The following GBP7 variants were observed in gnomAD, a reference collection of about 807,000 sequenced individuals.
GBP7 encodes guanylate-binding protein 7.
In GBP7, 43 loss-of-function variants were observed where a neutral mutation model predicts 61.3. That is an observed-to-expected ratio of 0.70 (90% CI 0.55 to 0.91). The LOEUF (loss-of-function observed/expected upper bound fraction) is 0.91. Among genes scored for constraint, GBP7 ranks in the 40% least tolerant of loss-of-function variants. The probability of loss-of-function intolerance (pLI) is 0.00; values close to 1 mark genes in which losing one functional copy is unlikely to be tolerated. For synonymous variants in GBP7, 267 were observed against 271.0 expected, an observed-to-expected ratio of 0.99 and a Z score of 0.14; for missense variants, 717 against 740.5, an observed-to-expected ratio of 0.97 and a Z score of 0.37.
At chr1:89,175,383 CTA>C (rs1475879316) in intron 1 of GBP7, among the ~76,000 whole-genome samples, 1 of 152,174 alleles carries the variant, frequency 6.6e-6, no homozygotes, top group Non-Finnish European at 1.5e-5. Flanking sequence ...AAACCAGAAA[CTA>C]AAAAGATTGG....
rs1299139644 is a variant in GBP7 at position 89,133,453 on chromosome 1, T to C, written c.1469-2A>G. The C allele has an allele frequency of 6.2e-7, 1 of 1,613,374 alleles. No homozygotes were observed. ...CTGCCTCCTTCTTAGCCTGCTTAGC[T>C]GTTCCACCGAGGTTTTACAGAGGGA... On this transcript the variant is annotated splice_acceptor_variant, in intron 9 of 10. Transcript: ENST00000294671. LOFTEE classifies it high-confidence loss of function.
At chr1:89,142,675 C>T (rs1273375026) in intron 8 of GBP7, among the ~76,000 whole-genome samples, 1 of 152,118 alleles carries the variant, frequency 6.6e-6, no homozygotes, top group Non-Finnish European at 1.5e-5. Flanking sequence ...GAAAAAGAGG[C>T]ATAAATACCT....
chr1:89,147,715 C>T lies in GBP7; in HGVS notation c.1217G>A (p.Cys406Tyr), dbSNP rs1682101435. 3.1e-6 allele frequency: 5 copies of T among 1,614,190 alleles called. No homozygotes were observed. Among genetic ancestry groups the T allele is most frequent in the Non-Finnish European group, 4.2e-6 (5 of 1,180,018 alleles). Residue 406 changes from cysteine to tyrosine, a missense_variant, in exon 8 of 11, where the codon TGT (cysteine) becomes TAT (tyrosine). Physicochemically the swap from Cys to Tyr is radical, Grantham distance 194. Around this residue, in one of 3 missense-constraint regions of GBP7, gnomAD observed 312 missense variants for 310.1 expected, o/e 1.01. Transcript: ENST00000294671. ...TGAAAGCCGCTTAAGCTCAGCCTGA[C>T]AATATTTGGCAGATGCCTCTTCATT... is the stretch of plus-strand genomic sequence containing the variant. ...LQNEEASAKYCQAELKRLSEL... is the reference protein window; with the variant it reads ...LQNEEASAKYYQAELKRLSEL...
intron 3 of GBP7, among the ~76,000 whole-genome samples, chr1:89,153,211 A>G (rs1682243569): frequency 6.6e-6 from 1 of 152,234 alleles, no homozygotes; most frequent in Non-Finnish European, 1.5e-5. Flanking sequence ...CATTACAGAT[A>G]GGACTTAAGA....
At chr1:89,140,792 T>G (rs1681923072) in intron 9 of GBP7, among the ~76,000 whole-genome samples, 1 of 152,196 alleles carries the variant, frequency 6.6e-6, no homozygotes, top group African/African-American at 2.4e-5. Flanking sequence ...AGACATGGAA[T>G]CAACCTAAAT....
chr1:89,169,083 A>C (rs538932001), intron 2 of GBP7, among the ~76,000 whole-genome samples: 104 of 152,288 alleles, frequency 6.8e-4, no homozygotes, highest in African/African-American at 2.5e-3. Context: ...AAAATCTCAA[A>C]AGGTTAGCCA....
chr1:89,152,671 A>T lies in GBP7; in HGVS notation c.425T>A (p.Leu142Gln), dbSNP rs375662987. 1 of 1,611,818 alleles carries T rather than the reference A, an allele frequency of 6.2e-7. No homozygotes were observed. The highest frequency in any genetic ancestry group is 8.5e-7 in the Non-Finnish European group (1 of 1,179,586). Residue 142 changes from leucine (L) to glutamine (Q), a missense_variant, in exon 4 of 11, where the codon CTG becomes CAG. Physicochemically the swap from Leu to Gln is moderately radical, Grantham distance 113. This residue lies in a region of GBP7 where 387 missense variants were observed against 385.2 expected (regional missense o/e 1.00). Transcript: ENST00000294671. ...TCTTCACTTCCTGGAAGGATACTGCAGCTGCTCCAGGGCCTGGTGGTTGAT... is the reference window on the plus strand; with the variant it reads ...TCTTCACTTCCTGGAAGGATACTGCTGCTGCTCCAGGGCCTGGTGGTTGAT... ...GTINHQALEQ[L>Q]HYVTELTELI... is the part of the protein sequence containing the mutation.
chr1:89,160,361 A>T (rs892710368), intron 3 of GBP7, among the ~76,000 whole-genome samples: 1 of 151,968 alleles, frequency 6.6e-6, no homozygotes, highest in Non-Finnish European at 1.5e-5. Flanking sequence ...AAAGTATAAT[A>T]AAAAAAATGT....
At chr1:89,141,762 C>G (rs866865375) in intron 8 of GBP7, 114 bp from the exon 9 acceptor site, 3 of 775,400 alleles carry the variant, frequency 3.9e-6, no homozygotes, top group Middle Eastern at 2.4e-4. Context: ...TCACATTATT[C>G]TTAAGATTCC....
chr1:89,155,226 G>T (rs1682288178), intron 3 of GBP7, among the ~76,000 whole-genome samples: 1 of 152,196 alleles, frequency 6.6e-6, no homozygotes, highest in South Asian at 2.1e-4. Context: ...ACCAAAGGTA[G>T]ATAAAACCAC....
At chr1:89,150,675 T>A in intron 5 of GBP7, 100 bp from the exon 6 acceptor site, 1 of 1,200,386 alleles carries the variant, frequency 8.3e-7, no homozygotes, top group Non-Finnish European at 1.2e-6. Context: ...TACAGTCTCT[T>A]GTGTCTGTGA....
intron 3 of GBP7, among the ~76,000 whole-genome samples, chr1:89,160,205 C>T (rs988806839): frequency 6.6e-6 from 1 of 152,070 alleles, no homozygotes; most frequent in Non-Finnish European, 1.5e-5. Flanking sequence ...ACACTGGGGC[C>T]TGCTGTGGGG....
chr1:89,157,713 T>C (rs546464271), intron 3 of GBP7, among the ~76,000 whole-genome samples: 1 of 151,388 alleles, frequency 6.6e-6, no homozygotes, highest in East Asian at 1.9e-4. Flanking sequence ...CAATAATTAA[T>C]AGCCTCCCAA....
chr1:89,141,678 T>G (rs1286943337), intron 8 of GBP7, 30 bp from the exon 9 acceptor site: 1 of 1,559,546 alleles, frequency 6.4e-7, no homozygotes, highest in South Asian at 1.1e-5. Flanking sequence ...CAAAGACCTG[T>G]CAGGCAGCAG....
At position 89,173,056 on chromosome 1, in the gene GBP7, A is replaced by AT. The variant is rs912721125; in HGVS notation, c.-19-1103dup. The stretch of plus-strand genomic sequence containing the variant: ...TTGAGAGCTTCTTCAAGCTGGATCC[A>AT]TTTTTTTTTTACATGCTTCCATCAT... On this transcript the variant is annotated intron_variant, in intron 1 of 10. Coordinates refer to ENST00000294671, the MANE Select transcript of GBP7 (RefSeq NM_207398.3). Among the ~76,000 whole-genome samples, 210 of 147,800 alleles carry AT rather than the reference A, an allele frequency of 1.4e-3. 2 individuals carry two copies. The East Asian group carries it at 0.026, about 18-fold the overall frequency.
chr1:89,162,113 G>A (rs1647292542), intron 3 of GBP7, among the ~76,000 whole-genome samples: 1 of 148,778 alleles, frequency 6.7e-6, no homozygotes, highest in Non-Finnish European at 1.5e-5. Flanking sequence ...TGGGTTATCT[G>A]TTCTGTTCCA....
rs757666043 is a variant in GBP7, at chr1:89,164,829, C to T, written c.220G>A (p.Glu74Lys). 6.2e-7 allele frequency: 1 copy of T among 1,613,902 alleles called. No individual in the cohort carries two copies. Among genetic ancestry groups the T allele is most frequent in the Admixed American group, 1.7e-5 (1 of 60,014 alleles). Reference sequence around the variant, plus strand: ...CACCACATCCAGATGCCTTTGGTTTCAGACTTCACTGTGCAGCCCAGAGGG... The same window carrying T: ...CACCACATCCAGATGCCTTTGGTTTTAGACTTCACTGTGCAGCCCAGAGGG... Reference protein sequence around the residue: ...GFPLGCTVKSETKGIWMWCVP... With the variant: ...GFPLGCTVKSKTKGIWMWCVP... Residue 74 changes from glutamate to lysine, a missense_variant, in exon 3 of 11, where the codon GAA becomes AAA. Around this residue, in one of 3 missense-constraint regions of GBP7, gnomAD observed 387 missense variants for 385.2 expected, o/e 1.00. Coordinates refer to ENST00000294671, the MANE Select transcript of GBP7 (RefSeq NM_207398.3).
At chr1:89,165,551 C>T (rs55696855) in intron 2 of GBP7, among the ~76,000 whole-genome samples, 7,026 of 150,620 alleles carry the variant, frequency 0.047, 240 homozygotes, top group Non-Finnish European at 0.069. Flanking sequence ...CATGAAGGGT[C>T]ATGTCCTCAG....
intron 3 of GBP7, among the ~76,000 whole-genome samples, chr1:89,154,644 G>A (rs1682272894): frequency 1.3e-5 from 2 of 149,838 alleles, no homozygotes; most frequent in Admixed American, 1.3e-4. Flanking sequence ...ACCACACCTG[G>A]CCTCTATTTT....
Sources: allele counts gnomAD v4.1 joint callset (sites outside exome capture counted in the v4.1 genomes callset), GRCh38; gene constraint gnomAD v4.1.1; regional missense constraint gnomAD v4.1.1; transcripts MANE v1.5; gene names NCBI Gene and HGNC (gene_info 2026-07-23, HGNC 2026-07-21).